The following TUT7 variants were observed in gnomAD, a reference collection of about 807,000 sequenced individuals.
TUT7 encodes terminal uridylyl transferase 7, also known as terminal uridylyltransferase 7.
A neutral mutation model predicts 165.9 loss-of-function variants in TUT7; 33 were observed. The ratio of observed to expected loss-of-function variants is 0.20; its 90% CI spans 0.15 to 0.27. TUT7 has a LOEUF of 0.27. Ranked by LOEUF, TUT7 falls within the 10% of genes least tolerant of loss-of-function variation. The pLI is 1.00. For synonymous variants in TUT7, 552 were observed against 608.1 expected, an observed-to-expected ratio of 0.91 and a Z score of 1.36; for missense variants, 1,338 against 1,762.3, an observed-to-expected ratio of 0.76 and a Z score of 4.31.
chr9:86,348,650 G>A (rs902144465), intron 2 of TUT7, among the ~76,000 whole-genome samples: 2 of 152,130 alleles, frequency 1.3e-5, no homozygotes, highest in African/African-American at 4.8e-5. Context: ...CTACTCAGGA[G>A]GCTGAGACGG....
intron 2 of TUT7, among the ~76,000 whole-genome samples, chr9:86,351,065 C>G (rs1428919028): frequency 6.7e-6 from 1 of 149,250 alleles, no homozygotes; most frequent in Non-Finnish European, 1.5e-5. Flanking sequence ...TCCTGGGAGG[C>G]AGAGGCCACA....
chr9:86,353,290 CA>C, intron 1 of TUT7, 60 bp from the exon 2 acceptor site: 1 of 1,352,814 alleles, frequency 7.4e-7, no homozygotes, highest in Non-Finnish European at 9.9e-7. Context: ...TACAAGTATA[CA>C]AAATAACAAT....
chr9:86,294,083 C>T, intron 26 of TUT7, among the ~76,000 whole-genome samples: 1 of 152,186 alleles, frequency 6.6e-6, no homozygotes, highest in East Asian at 1.9e-4. Flanking sequence ...TCTAGCTCTT[C>T]AACTTCCATG....
Position 86,308,008 on chromosome 9 carries a change from T to C in TUT7, c.3838+421A>G, listed in dbSNP as rs983008539. Reference sequence around the variant, plus strand: ...AAACTCCATCTCAAAAACTAAAAAATAGAAAAAGAAAAGGCTTCCATATGG... The same window carrying C: ...AAACTCCATCTCAAAAACTAAAAAACAGAAAAAGAAAAGGCTTCCATATGG... On this transcript the variant is annotated intron_variant, in intron 22 of 26. Transcript: ENST00000375963. 5.9e-5 allele frequency among the ~76,000 whole-genome samples: 9 copies of C among 151,988 alleles called. No individual in the cohort carries two copies. In the East Asian group the frequency reaches 1.5e-3, roughly 26 times the overall value.
chr9:86,298,241 T>A (rs1053117816), intron 26 of TUT7, among the ~76,000 whole-genome samples: 2 of 152,040 alleles, frequency 1.3e-5, no homozygotes, highest in Admixed American at 6.6e-5. Flanking sequence ...GGATGCAGAG[T>A]AAATGAGAGA....
chr9:86,337,490 A>G lies in TUT7; in HGVS notation c.1384T>C (p.Phe462Leu). The G allele has an allele frequency of 6.2e-7, 1 of 1,613,966 alleles. No homozygotes were observed. Among genetic ancestry groups the G allele is most frequent in the Non-Finnish European group, 8.5e-7 (1 of 1,179,892 alleles). Residue 462 changes from phenylalanine (F) to leucine (L), a missense_variant, in exon 10 of 27, where the codon TTT (phenylalanine) becomes CTT (leucine). Coordinates refer to ENST00000375963, the MANE Select transcript of TUT7 (RefSeq NM_024617.4). Reference sequence around the variant, plus strand: ...AGAAAGAAAATGGCCATCAGGGCAAACACATAAGGTGGCAGACCTCCTTCT... The same window carrying G: ...AGAAAGAAAATGGCCATCAGGGCAAGCACATAAGGTGGCAGACCTCCTTCT... ...PEEGGLPPYV[F>L]ALMAIFFLQQ...
chr9:86,350,053 C>T (rs749723260), intron 2 of TUT7, among the ~76,000 whole-genome samples: 1 of 152,070 alleles, frequency 6.6e-6, no homozygotes, highest in Non-Finnish European at 1.5e-5. Context: ...GCTTTTCAGC[C>T]GGGTGCAGTG....
At chr9:86,306,792 C>A (rs1827539509) in intron 22 of TUT7, among the ~76,000 whole-genome samples, 1 of 152,108 alleles carries the variant, frequency 6.6e-6, no homozygotes, top group Non-Finnish European at 1.5e-5. Context: ...CAGTGAGACT[C>A]TGTCCCCCGC....
At position 86,323,407 on chromosome 9, in the gene TUT7, A is replaced by G; in HGVS notation, c.2343T>C (p.Asn781=). The change falls in exon 13 of 27, where the codon AAT becomes AAC. Residue 781 remains asparagine, a synonymous_variant. Coordinates refer to ENST00000375963, the MANE Select transcript of TUT7 (RefSeq NM_024617.4). ...EHVVCGSTRN[N]ESESTLDLEG... is the part of the protein sequence containing the mutation. ...CTAAATCCAAAGTGCTCTCTGACTC[A>G]TTATTACGTGTGCTGCCACAGACAA... 1 of 1,614,192 alleles carries G rather than the reference A, an allele frequency of 6.2e-7. No homozygotes were observed. The highest frequency in any genetic ancestry group is 8.5e-7 in the Non-Finnish European group (1 of 1,180,038).
chr9:86,306,148 C>T (rs542308991), intron 22 of TUT7, among the ~76,000 whole-genome samples: 1 of 152,072 alleles, frequency 6.6e-6, no homozygotes, highest in East Asian at 1.9e-4. Context: ...AAACAATATT[C>T]AAGAAGGCAA....
chr9:86,294,740 ATT>A (rs1285110296), intron 26 of TUT7, among the ~76,000 whole-genome samples: 2 of 150,932 alleles, frequency 1.3e-5, no homozygotes, highest in African/African-American at 4.8e-5. Context: ...TTATTTTAAT[ATT>A]TGTTTATTAT....
At chr9:86,310,913 CT>C (rs1311521601) in intron 17 of TUT7, 104 bp from the exon 18 acceptor site, 2 of 661,060 alleles carry the variant, frequency 3.0e-6, no homozygotes, top group Non-Finnish European at 5.4e-6. Flanking sequence ...TAACTTTGGC[CT>C]GTTTCATTGC....
At chr9:86,351,640 C>T (rs1291987009) in intron 2 of TUT7, among the ~76,000 whole-genome samples, 1 of 152,112 alleles carries the variant, frequency 6.6e-6, no homozygotes, top group Non-Finnish European at 1.5e-5. Flanking sequence ...ATTCAAACAC[C>T]TTATAGGTAA....
intron 26 of TUT7, chr9:86,298,841 A>T (rs1161954857): frequency 3.1e-6 from 3 of 982,278 alleles, no homozygotes; most frequent in African/African-American, 1.7e-5. Context: ...CTAAAAAATG[A>T]AATAGACTGG....
chr9:86,340,923 A>G (rs1668848753), intron 7 of TUT7, 79 bp downstream of exon 7: 1 of 1,123,210 alleles, frequency 8.9e-7, no homozygotes, highest in African/African-American at 1.6e-5. Context: ...ATGCCTTGCT[A>G]TTTTCAAAGT....
intron 2 of TUT7, among the ~76,000 whole-genome samples, chr9:86,347,630 A>C (rs1237740515): frequency 6.6e-6 from 1 of 152,206 alleles, no homozygotes; most frequent in Non-Finnish European, 1.5e-5. Context: ...TGAGATGACT[A>C]TCTCAAAATT....
chr9:86,315,994 C>T (rs186139610), intron 17 of TUT7, among the ~76,000 whole-genome samples: 147 of 152,074 alleles, frequency 9.7e-4, no homozygotes, highest in African/African-American at 3.3e-3. Context: ...TGTGTGTGCA[C>T]GTTCATGCTG....
intron 14 of TUT7, among the ~76,000 whole-genome samples, chr9:86,321,691 T>C (rs575369052): frequency 6.6e-6 from 1 of 152,318 alleles, no homozygotes; most frequent in African/African-American, 2.4e-5. Context: ...ATTGCGCCAC[T>C]GCATTCCAGC....
At chr9:86,329,905 T>G (rs1830154462) in intron 10 of TUT7, among the ~76,000 whole-genome samples, 1 of 152,138 alleles carries the variant, frequency 6.6e-6, no homozygotes, top group African/African-American at 2.4e-5. Flanking sequence ...GCTCAAATGT[T>G]TTCTCTAAGG....
Sources: gnomAD v4.1 joint callset for allele counts (sites outside exome capture counted in the v4.1 genomes callset) on GRCh38, gnomAD v4.1.1 for gene constraint, MANE v1.5 for transcripts, NCBI Gene and HGNC (gene_info 2026-07-23, HGNC 2026-07-21) for gene names.